Variants in ATP9B observed in about 807,000 individuals in gnomAD.
The protein encoded by ATP9B is probable phospholipid-transporting ATPase IIB.
Under a neutral mutation model 146.1 loss-of-function variants are expected in ATP9B, and 110 were observed. That is an observed-to-expected ratio of 0.75 (90% confidence interval 0.65 to 0.88). The LOEUF (loss-of-function observed/expected upper bound fraction) is 0.88, where lower values mean the gene tolerates loss of function less well. Ranked by LOEUF, ATP9B falls within the 40% of genes least tolerant of loss-of-function variation. The probability of loss-of-function intolerance (pLI) is 0.00; values close to 1 mark genes in which losing one functional copy is unlikely to be tolerated. For synonymous variants in ATP9B, 604 were observed against 569.7 expected (o/e 1.06, Z -0.86); for missense variants, 1,499 against 1,496.4 (o/e 1.00, Z -0.03).
intron 9 of ATP9B, among the ~76,000 whole-genome samples, chr18:79,203,363 G>A (rs981658797): frequency 6.6e-6 from 1 of 152,024 alleles, no homozygotes; most frequent in Non-Finnish European, 1.5e-5. Flanking sequence ...ACTTCGTAGA[G>A]GTAGGAGGCT....
At chr18:79,296,710 G>C (rs937923384) in intron 13 of ATP9B, among the ~76,000 whole-genome samples, 2 of 152,152 alleles carry the variant, frequency 1.3e-5, no homozygotes, top group African/African-American at 4.8e-5. Context: ...CATAAATTAG[G>C]CTCGTTATCA....
chr18:79,214,073 C>T, intron 11 of ATP9B, 35 bp downstream of exon 11: 2 of 1,469,082 alleles, frequency 1.4e-6, no homozygotes, highest in Non-Finnish European at 9.3e-7. Flanking sequence ...CTTTAATGAA[C>T]TTATTTTTCC....
chr18:79,198,107 A>G (rs369142032), intron 9 of ATP9B, among the ~76,000 whole-genome samples: 7 of 152,340 alleles, frequency 4.6e-5, no homozygotes, highest in East Asian at 1.9e-4. Context: ...TTGCAATTGT[A>G]TATTCACTAA....
chr18:79,302,933 G>A (rs975056542), intron 13 of ATP9B, among the ~76,000 whole-genome samples: 2 of 152,124 alleles, frequency 1.3e-5, no homozygotes, highest in African/African-American at 4.8e-5. Flanking sequence ...GTTCTATATT[G>A]TAATTATAAA....
chr18:79,264,448 A>T (rs1361012397), intron 12 of ATP9B, among the ~76,000 whole-genome samples: 2 of 152,158 alleles, frequency 1.3e-5, no homozygotes, highest in African/African-American at 4.8e-5. Flanking sequence ...TTTTGCTGAT[A>T]TCTTTCTCAA....
At chr18:79,266,429 A>C (rs2096204714) in intron 12 of ATP9B, among the ~76,000 whole-genome samples, 1 of 151,288 alleles carries the variant, frequency 6.6e-6, no homozygotes, top group Non-Finnish European at 1.5e-5. Context: ...TTTTTTGTTC[A>C]GTTCTTTGCA....
intron 10 of ATP9B, among the ~76,000 whole-genome samples, chr18:79,207,368 C>T (rs1412486281): frequency 6.6e-6 from 1 of 152,196 alleles, no homozygotes; most frequent in Non-Finnish European, 1.5e-5. Context: ...GTGATTTTAG[C>T]GCTTCTCAGT....
At chr18:79,202,516 G>T (rs2095498183) in intron 9 of ATP9B, among the ~76,000 whole-genome samples, 1 of 152,142 alleles carries the variant, frequency 6.6e-6, no homozygotes, top group East Asian at 1.9e-4. Flanking sequence ...AGGGTATGCT[G>T]TTGAGAGAAC....
intron 7 of ATP9B, among the ~76,000 whole-genome samples, chr18:79,166,975 G>A (rs2094976798): frequency 6.6e-6 from 1 of 152,160 alleles, no homozygotes; most frequent in African/African-American, 2.4e-5. Context: ...AGCTCCAGGT[G>A]CCGGCTCTGT....
chr18:79,300,255 GGTT>G (rs749916310), intron 13 of ATP9B, among the ~76,000 whole-genome samples: 11 of 152,268 alleles, frequency 7.2e-5, no homozygotes, highest in South Asian at 2.1e-4. Flanking sequence ...AGTGAGGAAA[GGTT>G]GGTGGTGGTG....
At chr18:79,244,141 G>A (rs142284142) in intron 11 of ATP9B, among the ~76,000 whole-genome samples, 1 of 127,352 alleles carries the variant, frequency 7.9e-6, no homozygotes, top group African/African-American at 3.0e-5. Context: ...CCCCCCCTCC[G>A]CCCCCTCTAT....
chr18:79,339,327 CATG>C (rs1379889873), intron 19 of ATP9B, among the ~76,000 whole-genome samples: 3 of 151,676 alleles, frequency 2.0e-5, no homozygotes, highest in Non-Finnish European at 4.4e-5. Flanking sequence ...GGAAGTGTGT[CATG>C]ATCGCAGTAG....
At chr18:79,320,262 G>A (rs551161078) in intron 15 of ATP9B, among the ~76,000 whole-genome samples, 6 of 152,332 alleles carry the variant, frequency 3.9e-5, no homozygotes, top group African/African-American at 1.2e-4. Context: ...GAAGGAGCCC[G>A]GACCTGGGAG....
intron 10 of ATP9B, among the ~76,000 whole-genome samples, chr18:79,208,170 G>T (rs372395963): frequency 6.6e-6 from 1 of 152,168 alleles, no homozygotes; most frequent in Non-Finnish European, 1.5e-5. Flanking sequence ...GCGGGAACCC[G>T]GGAGCCGGAG....
rs766451543 is a variant in ATP9B, at chr18:79,094,256, G to A, written c.120-2220G>A. Among the ~76,000 whole-genome samples, 10 of 152,304 alleles carry A rather than the reference G, an allele frequency of 6.6e-5. No homozygotes were observed. In the East Asian group the frequency reaches 1.4e-3, roughly 21 times the overall value. ...GGGTTTGGGCACATTTTTGCAGCTCGGGGGTGAGCCTGGGACTTCTGTTGA... is the reference window on the plus strand; with the variant it reads ...GGGTTTGGGCACATTTTTGCAGCTCAGGGGTGAGCCTGGGACTTCTGTTGA... On this transcript the variant is annotated intron_variant, in intron 1 of 29. Coordinates refer to ENST00000426216, the MANE Select transcript of ATP9B (RefSeq NM_198531.5).
chr18:79,106,965 A>G (rs953596929), intron 2 of ATP9B, among the ~76,000 whole-genome samples: 2 of 152,120 alleles, frequency 1.3e-5, no homozygotes, highest in Non-Finnish European at 2.9e-5. Context: ...TAAAGCTTAT[A>G]TTTTCTAAAT....
chr18:79,252,765 A>G (rs1473176357), intron 11 of ATP9B, among the ~76,000 whole-genome samples: 2 of 152,178 alleles, frequency 1.3e-5, no homozygotes, highest in Non-Finnish European at 2.9e-5. Context: ...GTGCAAATTA[A>G]AAAGGTTTTA....
chr18:79,201,744 A>G (rs1475875562), intron 9 of ATP9B, among the ~76,000 whole-genome samples: 1 of 151,814 alleles, frequency 6.6e-6, no homozygotes, highest in Non-Finnish European at 1.5e-5. Context: ...TAATTTTTGT[A>G]TTTTTAGTAG....
At chr18:79,365,260 T>C (rs1478581494) in intron 26 of ATP9B, among the ~76,000 whole-genome samples, 1 of 151,916 alleles carries the variant, frequency 6.6e-6, no homozygotes, top group Non-Finnish European at 1.5e-5. Context: ...GTGAAGATGC[T>C]CAGTGCCATT....
Sources: allele counts gnomAD v4.1 joint callset (sites outside exome capture counted in the v4.1 genomes callset), GRCh38; gene constraint gnomAD v4.1.1; transcripts MANE v1.5; gene names NCBI Gene and HGNC (gene_info 2026-07-23, HGNC 2026-07-21).